ANKRD66: variants seen among roughly 807,000 people sequenced by gnomAD.
The protein encoded by ANKRD66 is ankyrin repeat domain 66, also known as ankyrin repeat domain-containing protein 66.
ANKRD66 carries 10 observed loss-of-function variants against 10.9 expected under a neutral mutation model. That is an observed-to-expected ratio of 0.91 (90% CI 0.56 to 1.55). The LOEUF (loss-of-function observed/expected upper bound fraction) is 1.55. Ranked by LOEUF, ANKRD66 falls within the 40% of genes most tolerant of loss-of-function variation. ANKRD66 has a pLI of 0.00. For missense variants in ANKRD66, 252 were observed against 242.9 expected (o/e 1.04, Z -0.25); for synonymous variants, 85 against 88.4 (o/e 0.96, Z 0.22).
intron 4 of ANKRD66, among the ~76,000 whole-genome samples, chr6:46,754,567 A>T (rs148424099): frequency 5.9e-4 from 90 of 152,304 alleles, no homozygotes; most frequent in Non-Finnish European, 1.0e-3. Flanking sequence ...TTGTTTCGAC[A>T]AGCAATTCAT....
intron 1 of ANKRD66, among the ~76,000 whole-genome samples, chr6:46,747,217 GT>G (rs912084087): frequency 4.6e-5 from 7 of 152,112 alleles, no homozygotes; most frequent in Non-Finnish European, 7.4e-5. Context: ...AAGCTAGTGA[GT>G]TGTATATATT....
At chr6:46,748,152 T>C (rs1186596277) in intron 1 of ANKRD66, among the ~76,000 whole-genome samples, 1 of 152,218 alleles carries the variant, frequency 6.6e-6, no homozygotes, top group Non-Finnish European at 1.5e-5. Context: ...ACTATTATGT[T>C]GTCACTGAAT....
rs1274723406 is a variant in ANKRD66, at chr6:46,758,471, C to A, written c.393-252C>A. On this transcript the variant is annotated intron_variant, in intron 4 of 4. Transcript: ENST00000565422. ...ATGTGAGCACTTCAAGAATCAGGAG[C>A]ATTTTCTTCAAGCTGAGTGACTATC... The A allele has an allele frequency of 1.4e-5, 5 of 364,788 alleles. No individual in the cohort carries two copies. The East Asian group carries it at 2.0e-4, about 15-fold the overall frequency. 22.6% of individuals were successfully genotyped at this position (364,788 alleles called of 1,614,324 possible).
intron 4 of ANKRD66, chr6:46,756,059 C>T: frequency 2.2e-6 from 1 of 446,780 alleles, no homozygotes; most frequent in Non-Finnish European, 4.5e-6. Flanking sequence ...AAACAACTAC[C>T]TTCTCTTTCT....
chr6:46,749,799 T>C (rs1766229182), intron 1 of ANKRD66, 97 bp from the exon 2 acceptor site: 3 of 1,408,086 alleles, frequency 2.1e-6, no homozygotes, highest in African/African-American at 2.9e-5. Context: ...AAAGCTCTTT[T>C]ACTTTCCGGT....
chr6:46,754,827 A>C (rs1766349029), intron 4 of ANKRD66, among the ~76,000 whole-genome samples: 1 of 152,198 alleles, frequency 6.6e-6, no homozygotes, highest in Non-Finnish European at 1.5e-5. Context: ...ATCACAATTG[A>C]GATGCTTTGG....
rs1452049977 is a variant in ANKRD66 at position 46,749,889 on chromosome 6, C to A, written c.-96-7C>A. 1.3e-6 allele frequency: 2 copies of A among 1,544,660 alleles called. No individual in the cohort carries two copies. Among genetic ancestry groups the A allele is most frequent in the Middle Eastern group, 1.7e-4 (1 of 5,958 alleles). Reference sequence around the variant, plus strand: ...AATTACGTTTACTTTTCTTTCTCTCCCTCCAGGGCTGTTCTCACATTTCAA... The same window carrying A: ...AATTACGTTTACTTTTCTTTCTCTCACTCCAGGGCTGTTCTCACATTTCAA... On this transcript the variant is annotated splice_polypyrimidine_tract_variant and splice_region_variant and intron_variant, in intron 1 of 4. Transcript: ENST00000565422.
chr6:46,753,057 A>G (rs1766302176), intron 3 of ANKRD66, among the ~76,000 whole-genome samples: 1 of 152,200 alleles, frequency 6.6e-6, no homozygotes, highest in African/African-American at 2.4e-5. Flanking sequence ...GTACAGAGTG[A>G]TGGTAGCTAT....
At chr6:46,749,801 C>T in intron 1 of ANKRD66, 95 bp from the exon 2 acceptor site, 1 of 1,411,958 alleles carries the variant, frequency 7.1e-7, no homozygotes. Context: ...AGCTCTTTTA[C>T]TTTCCGGTCT....
At position 46,758,922 on chromosome 6, in the gene ANKRD66, G is replaced by A. The variant is rs962516638; in HGVS notation, c.*1G>A. 5.2e-6 allele frequency: 8 copies of A among 1,540,854 alleles called. No individual in the cohort carries two copies. The African/African-American group carries it at 9.7e-5, about 19-fold the overall frequency. On this transcript the variant is annotated 3_prime_UTR_variant, in exon 5 of 5. Coordinates refer to ENST00000565422, the MANE Select transcript of ANKRD66 (RefSeq NM_001162435.3). ...CAATACCAAGGGGAGGAGAGTATGA[G>A]AACTCAACCTTATGTTTTCTGGCAA...
rs958803932 is a variant in ANKRD66 at position 46,746,970 on chromosome 6, C to T, written c.-117C>T. ...TAGGACTGCCTGTCAGCACAGAGCT[C>T]CTCAAATTTCACACAAGACAGTAAG... On this transcript the variant is annotated 5_prime_UTR_variant, in exon 1 of 5. Transcript: ENST00000565422. The T allele has an allele frequency of 6.5e-7, 1 of 1,535,490 alleles. No individual in the cohort carries two copies. Among genetic ancestry groups the T allele is most frequent in the Admixed American group, 2.0e-5 (1 of 50,986 alleles).
intron 1 of ANKRD66, among the ~76,000 whole-genome samples, chr6:46,747,822 A>T (rs1766181957): frequency 6.6e-6 from 1 of 152,198 alleles, no homozygotes; most frequent in South Asian, 2.1e-4. Context: ...TCATTGGAAT[A>T]CTCAGACTTT....
Position 46,746,987 on chromosome 6 carries a change from G to T in ANKRD66, c.-100G>T. Reference sequence around the variant, plus strand: ...ACAGAGCTCCTCAAATTTCACACAAGACAGTAAGTGTTTTTAAGTTACCCT... The same window carrying T: ...ACAGAGCTCCTCAAATTTCACACAATACAGTAAGTGTTTTTAAGTTACCCT... On this transcript the variant is annotated 5_prime_UTR_variant, in exon 1 of 5. Coordinates refer to ENST00000565422, the MANE Select transcript of ANKRD66 (RefSeq NM_001162435.3). The T allele has an allele frequency of 6.5e-7, 1 of 1,535,418 alleles. No homozygotes were observed. Among genetic ancestry groups the T allele is most frequent in the Non-Finnish European group, 8.7e-7 (1 of 1,146,730 alleles).
intron 4 of ANKRD66, chr6:46,755,983 T>C: frequency 2.7e-6 from 1 of 374,588 alleles, no homozygotes; most frequent in South Asian, 2.1e-5. Flanking sequence ...TTATGCACAT[T>C]TACATTGTTG....
chr6:46,752,647 C>A (rs1349652521), intron 3 of ANKRD66, among the ~76,000 whole-genome samples: 1 of 152,190 alleles, frequency 6.6e-6, no homozygotes, highest in African/African-American at 2.4e-5. Context: ...TGCAGGAATG[C>A]CACCTTGGAG....
chr6:46,751,597 C>T (rs183686841), intron 2 of ANKRD66, among the ~76,000 whole-genome samples: 5 of 152,104 alleles, frequency 3.3e-5, no homozygotes, highest in Admixed American at 1.3e-4. Flanking sequence ...TTCTAGCTTA[C>T]TTACTAACTT....
chr6:46,748,938 G>A (rs1178277283), intron 1 of ANKRD66, among the ~76,000 whole-genome samples: 1 of 152,208 alleles, frequency 6.6e-6, no homozygotes, highest in African/African-American at 2.4e-5. Context: ...TACTAAATCA[G>A]AATCTGCATT....
chr6:46,749,473 G>C (rs746441011), intron 1 of ANKRD66, among the ~76,000 whole-genome samples: 1 of 151,966 alleles, frequency 6.6e-6, no homozygotes, highest in East Asian at 1.9e-4. Flanking sequence ...CCAGGCAAGG[G>C]GGGCAGGGTG....
chr6:46,755,999 C>A, intron 4 of ANKRD66: 1 of 391,602 alleles, frequency 2.6e-6, no homozygotes, highest in South Asian at 2.0e-5. Context: ...TGTTGTGAAA[C>A]AGAGCTCCAG....
Sources: allele counts gnomAD v4.1 joint callset (sites outside exome capture counted in the v4.1 genomes callset), GRCh38; gene constraint gnomAD v4.1.1; transcripts MANE v1.5; gene names NCBI Gene and HGNC (gene_info 2026-07-23, HGNC 2026-07-21).